CNTNAP2: variants seen among roughly 807,000 people sequenced by gnomAD.
CNTNAP2 encodes the protein contactin-associated protein-like 2.
A neutral mutation model predicts 155.2 loss-of-function variants in CNTNAP2; 98 were observed. The observed-to-expected ratio is 0.63, with a 90% CI of 0.54 to 0.75. The LOEUF is 0.75. Among genes scored for constraint, CNTNAP2 ranks in the 30% least tolerant of loss-of-function variants. The pLI, the probability that CNTNAP2 is intolerant of heterozygous loss-of-function variation, is 0.00. For missense variants in CNTNAP2, 1,727 were observed against 1,688.1 expected, an observed-to-expected ratio of 1.02 and a Z score of -0.40; for synonymous variants, 651 against 631.2, an observed-to-expected ratio of 1.03 and a Z score of -0.47.
chr7:147,842,392 C>G (rs907679307), intron 13 of CNTNAP2, among the ~76,000 whole-genome samples: 2 of 152,142 alleles, frequency 1.3e-5, no homozygotes, highest in African/African-American at 4.8e-5. Flanking sequence ...ATATTTATTT[C>G]CACATATTCT....
At chr7:148,021,623 G>T (rs1232686942) in intron 15 of CNTNAP2, among the ~76,000 whole-genome samples, 1 of 152,220 alleles carries the variant, frequency 6.6e-6, no homozygotes, top group Non-Finnish European at 1.5e-5. Flanking sequence ...GAGAGACGGC[G>T]CTAGCCCCTG....
chr7:147,980,900 C>G (rs564508345), intron 15 of CNTNAP2, among the ~76,000 whole-genome samples: 7 of 142,382 alleles, frequency 4.9e-5, no homozygotes, highest in Admixed American at 4.3e-4. Context: ...CACTGCACTC[C>G]GGCCTGGGTG....
Position 146,228,347 on chromosome 7 carries a change from T to C in CNTNAP2, c.97+111374T>C, listed in dbSNP as rs1403133797. Reference sequence around the variant, plus strand: ...TCAACAGCATAACTTTCTAGCTGCATAATTTCGGCAAGTCCCTTAATCTCA... The same window carrying C: ...TCAACAGCATAACTTTCTAGCTGCACAATTTCGGCAAGTCCCTTAATCTCA... On this transcript the variant is annotated intron_variant, in intron 1 of 23. Transcript: ENST00000361727. Among the ~76,000 whole-genome samples, 3 of 152,234 alleles carry C rather than the reference T, an allele frequency of 2.0e-5. No homozygotes were observed. In the East Asian group the frequency reaches 5.8e-4, roughly 29 times the overall value.
intron 13 of CNTNAP2, among the ~76,000 whole-genome samples, chr7:147,787,620 G>A (rs1311462785): frequency 6.6e-6 from 1 of 152,176 alleles, no homozygotes; most frequent in Non-Finnish European, 1.5e-5. Context: ...TGAGTATGAG[G>A]AGGTAATTTT....
chr7:147,908,325 G>A (rs578140687), intron 14 of CNTNAP2, among the ~76,000 whole-genome samples: 122 of 152,288 alleles, frequency 8.0e-4, no homozygotes, highest in African/African-American at 2.8e-3. Context: ...AGGCTATTCC[G>A]CTGAATGCAC....
intron 22 of CNTNAP2, chr7:148,389,786 T>C (rs1164313712): frequency 6.6e-6 from 1 of 152,094 alleles, no homozygotes; most frequent in East Asian, 1.9e-4. Flanking sequence ...TTCTCTGCAA[T>C]TGCCTTTTGC....
chr7:146,494,854 G>T (rs550398035), intron 1 of CNTNAP2, among the ~76,000 whole-genome samples: 1 of 152,190 alleles, frequency 6.6e-6, no homozygotes, highest in Non-Finnish European at 1.5e-5. Flanking sequence ...ATAATTCGAT[G>T]AGCTAGCTTA....
intron 8 of CNTNAP2, among the ~76,000 whole-genome samples, chr7:147,269,682 G>A (rs1003583993): frequency 1.6e-4 from 25 of 152,154 alleles, no homozygotes; most frequent in African/African-American, 5.8e-4. Flanking sequence ...TATTTGAGCT[G>A]AGATTTATGT....
At chr7:147,324,447 T>C (rs186517551) in intron 9 of CNTNAP2, among the ~76,000 whole-genome samples, 2 of 152,220 alleles carry the variant, frequency 1.3e-5, no homozygotes, top group African/African-American at 4.8e-5. Context: ...ACATCAGATA[T>C]GTAATCCATT....
In CNTNAP2 at chr7:147,255,517, C is replaced by T. The variant is rs190339587; in HGVS notation, c.1349-44624C>T. Among the ~76,000 whole-genome samples, 17 of 151,628 alleles carry T rather than the reference C, an allele frequency of 1.1e-4. 1 individual carries two copies. Among genetic ancestry groups the T allele is most frequent in the African/African-American group, 3.1e-4 (13 of 41,342 alleles). ...GATTACAGGTGTGAGCCACCATGCC[C>T]GGCCAAATATTATATGTTGTACGCA... On this transcript the variant is annotated intron_variant, in intron 8 of 23. Coordinates refer to ENST00000361727, the MANE Select transcript of CNTNAP2 (RefSeq NM_014141.6).
chr7:148,227,884 CGTGTGTGTGTGTGTGTGTGT>C (rs3057282), intron 19 of CNTNAP2, among the ~76,000 whole-genome samples: 15 of 131,492 alleles, frequency 1.1e-4, no homozygotes, highest in South Asian at 1.1e-3. Flanking sequence ...AAGAGCACAG[CGTGTGTGTGTGTGTGTGTGT>C]GTGTGTGTGT....
intron 1 of CNTNAP2, among the ~76,000 whole-genome samples, chr7:146,392,287 ATAT>A (rs1039593066): frequency 3.9e-5 from 6 of 152,158 alleles, no homozygotes; most frequent in Non-Finnish European, 7.3e-5. Context: ...GATTTCTGTA[ATAT>A]TATCTTCATA....
chr7:146,968,501 C>A (rs1264282594), intron 3 of CNTNAP2, among the ~76,000 whole-genome samples: 1 of 152,040 alleles, frequency 6.6e-6, no homozygotes, highest in African/African-American at 2.4e-5. Flanking sequence ...TGTTATTGGT[C>A]TATTCGGAGA....
intron 21 of CNTNAP2, among the ~76,000 whole-genome samples, chr7:148,369,274 C>T (rs11770166): frequency 0.34 from 48,290 of 140,684 alleles, 9,576 homozygotes; most frequent in East Asian, 0.68. Context: ...TCTTGGCTCA[C>T]TGCAACCTCC....
intron 13 of CNTNAP2, among the ~76,000 whole-genome samples, chr7:147,841,042 GCAAATTGTCAAAAATA>G (rs1220066965): frequency 1.3e-5 from 2 of 152,114 alleles, no homozygotes; most frequent in Non-Finnish European, 2.9e-5. Context: ...GATTATTTCA[GCAAATTGTCAAAAATA>G]TTAGTTTTTA....
At chr7:146,183,691 A>C (rs1395100929) in intron 1 of CNTNAP2, among the ~76,000 whole-genome samples, 1 of 152,042 alleles carries the variant, frequency 6.6e-6, no homozygotes, top group Non-Finnish European at 1.5e-5. Flanking sequence ...CAGAGTGCAC[A>C]AAGTCCCAAA....
At chr7:146,541,175 C>T (rs1797947790) in intron 1 of CNTNAP2, among the ~76,000 whole-genome samples, 1 of 151,982 alleles carries the variant, frequency 6.6e-6, no homozygotes. Context: ...AGAATTTATT[C>T]TCTCAGGAGA....
chr7:147,935,250 C>T (rs539830850), intron 14 of CNTNAP2, among the ~76,000 whole-genome samples: 3 of 152,204 alleles, frequency 2.0e-5, no homozygotes, highest in Admixed American at 6.5e-5. Flanking sequence ...CCTCAGCCTC[C>T]AGAGTAGCTG....
Position 147,952,011 on chromosome 7 carries a change from G to A in CNTNAP2, c.2256-25851G>A, listed in dbSNP as rs181570474. Reference sequence around the variant, plus strand: ...TCATAGTGGCATGGCCCCAATTTTAGAAACTGAGCTTAATACAGTTAATAG... The same window carrying A: ...TCATAGTGGCATGGCCCCAATTTTAAAAACTGAGCTTAATACAGTTAATAG... On this transcript the variant is annotated intron_variant, in intron 14 of 23. Transcript: ENST00000361727. Among the ~76,000 whole-genome samples, 385 of 151,974 alleles carry A rather than the reference G, an allele frequency of 2.5e-3. 3 individuals carry two copies. The highest frequency in any genetic ancestry group is 4.5e-3 in the Non-Finnish European group (308 of 67,930).
Sources: allele counts gnomAD v4.1 joint callset (sites outside exome capture counted in the v4.1 genomes callset), GRCh38; gene constraint gnomAD v4.1.1; transcripts MANE v1.5; gene names NCBI Gene and HGNC (gene_info 2026-07-23, HGNC 2026-07-21).